Variants in SLC24A3 observed in about 807,000 individuals in gnomAD.
The protein encoded by SLC24A3 is solute carrier family 24 member 3.
SLC24A3 carries 28 observed loss-of-function variants against 75.8 expected under a neutral mutation model. The ratio of observed to expected loss-of-function variants is 0.37; its 90% confidence interval spans 0.27 to 0.51. The LOEUF is 0.51. SLC24A3 is among the 20% of genes least tolerant of loss of function. The pLI is 0.94. For synonymous variants in SLC24A3, 372 were observed against 334.1 expected (o/e 1.11, Z -1.24); for missense variants, 663 against 847.8 (o/e 0.78, Z 2.71).
At chr20:19,630,753 GTCTA>G (rs2031922990) in intron 6 of SLC24A3, among the ~76,000 whole-genome samples, 3 of 152,152 alleles carry the variant, frequency 2.0e-5, no homozygotes, top group Admixed American at 2.0e-4. Flanking sequence ...TTTTTAAAGT[GTCTA>G]TACTGGAAAA....
At chr20:19,470,350 G>A (rs1403096787) in intron 2 of SLC24A3, among the ~76,000 whole-genome samples, 1 of 152,192 alleles carries the variant, frequency 6.6e-6, no homozygotes, top group Non-Finnish European at 1.5e-5. Flanking sequence ...AGCAACTCCA[G>A]GTATAGGATT....
intron 2 of SLC24A3, among the ~76,000 whole-genome samples, chr20:19,357,869 G>T (rs535305976): frequency 2.0e-5 from 3 of 152,252 alleles, no homozygotes; most frequent in African/African-American, 4.8e-5. Context: ...CTGGGAGGGG[G>T]TGTTGGCTCT....
intron 3 of SLC24A3, among the ~76,000 whole-genome samples, chr20:19,524,414 C>A (rs1444785921): frequency 6.6e-6 from 1 of 152,166 alleles, no homozygotes; most frequent in Non-Finnish European, 1.5e-5. Flanking sequence ...TGAGGCTGGG[C>A]AAGATAGAAG....
At chr20:19,551,335 G>A (rs1366408207) in intron 3 of SLC24A3, among the ~76,000 whole-genome samples, 2 of 152,104 alleles carry the variant, frequency 1.3e-5, no homozygotes, top group Non-Finnish European at 2.9e-5. Flanking sequence ...GGTCTACTAT[G>A]GTATGATTAT....
intron 1 of SLC24A3, among the ~76,000 whole-genome samples, chr20:19,233,190 T>C (rs1158068087): frequency 6.6e-6 from 1 of 152,246 alleles, no homozygotes; most frequent in African/African-American, 2.4e-5. Context: ...CGATGAGCAG[T>C]CCGGGGTGGG....
rs536537460 is a variant in SLC24A3 at position 19,590,397 on chromosome 20, C to T, written c.612+4853C>T. 3.3e-5 allele frequency among the ~76,000 whole-genome samples: 5 copies of T among 152,128 alleles called. No individual in the cohort carries two copies. The East Asian group carries it at 9.7e-4, about 30-fold the overall frequency. ...AACCCAACACACAGCTCCCCTGTTC[C>T]AATCCTGAGATGCATCCAGATTTTC... On this transcript the variant is annotated intron_variant, in intron 6 of 16. Coordinates refer to ENST00000328041, the MANE Select transcript of SLC24A3 (RefSeq NM_020689.4).
chr20:19,371,569 G>A (rs998167808), intron 2 of SLC24A3, among the ~76,000 whole-genome samples: 2 of 152,154 alleles, frequency 1.3e-5, no homozygotes, highest in African/African-American at 4.8e-5. Flanking sequence ...GGGTCCCCCA[G>A]GTTCCTACCA....
At chr20:19,649,004 A>G (rs1172787165) in intron 6 of SLC24A3, among the ~76,000 whole-genome samples, 1 of 152,224 alleles carries the variant, frequency 6.6e-6, no homozygotes, top group Admixed American at 6.5e-5. Context: ...CAAGGACAGA[A>G]TTACTCACTG....
intron 3 of SLC24A3, among the ~76,000 whole-genome samples, chr20:19,574,398 A>G (rs945348851): frequency 6.6e-6 from 1 of 152,250 alleles, no homozygotes. Flanking sequence ...ATAATGCTGC[A>G]TAACAAATGG....
chr20:19,671,725 G>C (rs1211713911), intron 8 of SLC24A3, among the ~76,000 whole-genome samples: 1 of 152,028 alleles, frequency 6.6e-6, no homozygotes, highest in Non-Finnish European at 1.5e-5. Flanking sequence ...TAGACATTTA[G>C]ACTTCCAGGT....
chr20:19,346,070 T>A (rs1985392293), intron 2 of SLC24A3, among the ~76,000 whole-genome samples: 1 of 43,306 alleles, frequency 2.3e-5, no homozygotes, highest in East Asian at 1.2e-3. Flanking sequence ...AAACTATATA[T>A]ATATATATAT....
intron 3 of SLC24A3, among the ~76,000 whole-genome samples, chr20:19,572,531 T>A (rs893980614): frequency 6.6e-6 from 1 of 152,182 alleles, no homozygotes; most frequent in African/African-American, 2.4e-5. Flanking sequence ...TTTTCAAGCA[T>A]TTCTTGACTT....
intron 3 of SLC24A3, among the ~76,000 whole-genome samples, chr20:19,572,399 A>G (rs969762738): frequency 6.6e-6 from 1 of 152,214 alleles, no homozygotes; most frequent in Non-Finnish European, 1.5e-5. Flanking sequence ...GCAATGCAAC[A>G]TAATATTCTG....
At chr20:19,245,113 T>G (rs190644775) in intron 1 of SLC24A3, among the ~76,000 whole-genome samples, 10 of 152,260 alleles carry the variant, frequency 6.6e-5, no homozygotes, top group Non-Finnish European at 1.0e-4. Context: ...AGTTTGTCTC[T>G]TTTGATCTGG....
chr20:19,410,819 A>G (rs930415433), intron 2 of SLC24A3, among the ~76,000 whole-genome samples: 1 of 152,218 alleles, frequency 6.6e-6, no homozygotes, highest in African/African-American at 2.4e-5. Context: ...TTTTCTCTAC[A>G]AACATGTATT....
intron 1 of SLC24A3, among the ~76,000 whole-genome samples, chr20:19,265,246 T>G (rs1983131091): frequency 6.6e-6 from 1 of 152,214 alleles, no homozygotes; most frequent in Non-Finnish European, 1.5e-5. Context: ...GTGGCCAGCC[T>G]TCTCCCCTTG....
intron 1 of SLC24A3, among the ~76,000 whole-genome samples, chr20:19,237,151 C>T (rs1982190089): frequency 6.6e-6 from 1 of 152,178 alleles, no homozygotes; most frequent in African/African-American, 2.4e-5. Flanking sequence ...TTTAGAGACC[C>T]TCTAGGTTTC....
At chr20:19,409,602 G>T (rs1986709284) in intron 2 of SLC24A3, among the ~76,000 whole-genome samples, 1 of 152,098 alleles carries the variant, frequency 6.6e-6, no homozygotes, top group African/African-American at 2.4e-5. Flanking sequence ...ATTGTAACAA[G>T]CAAGGAAAAA....
chr20:19,479,437 G>A (rs567175270), intron 2 of SLC24A3, among the ~76,000 whole-genome samples: 13 of 152,146 alleles, frequency 8.5e-5, no homozygotes, highest in South Asian at 8.3e-4. Context: ...CTCCCTTCTC[G>A]CAGTTACAGA....
Sources: gnomAD v4.1 joint callset for allele counts (sites outside exome capture counted in the v4.1 genomes callset) on GRCh38, gnomAD v4.1.1 for gene constraint, MANE v1.5 for transcripts, NCBI Gene and HGNC (gene_info 2026-07-23, HGNC 2026-07-21) for gene names.